The following TTC28 variants were observed in gnomAD, a reference collection of about 807,000 sequenced individuals.
The protein encoded by TTC28 is tetratricopeptide repeat protein 28.
A neutral mutation model predicts 198.0 loss-of-function variants in TTC28; 61 were observed. That is an observed-to-expected ratio of 0.31 (90% CI 0.25 to 0.38). The LOEUF (loss-of-function observed/expected upper bound fraction) is 0.38. Ranked by LOEUF, TTC28 falls within the 10% of genes least tolerant of loss-of-function variation. TTC28 has a pLI of 1.00. For missense variants in TTC28, 2,678 were observed against 3,164.0 expected (o/e 0.85, Z 3.69); for synonymous variants, 1,171 against 1,297.8 (o/e 0.90, Z 2.10).
intron 2 of TTC28, among the ~76,000 whole-genome samples, chr22:28,624,899 A>G (rs1453206859): frequency 6.6e-6 from 1 of 152,202 alleles, no homozygotes; most frequent in Non-Finnish European, 1.5e-5. Flanking sequence ...CATAATGACT[A>G]CCTGGAATTT....
intron 5 of TTC28, among the ~76,000 whole-genome samples, chr22:28,235,593 C>A (rs1160521221): frequency 6.6e-6 from 1 of 151,986 alleles, no homozygotes; most frequent in Non-Finnish European, 1.5e-5. Context: ...TCTGAACAGA[C>A]AAAAATAACA....
intron 5 of TTC28, among the ~76,000 whole-genome samples, chr22:28,243,209 A>C (rs996186351): frequency 4.9e-5 from 6 of 123,586 alleles, no homozygotes; most frequent in South Asian, 5.5e-4. Context: ...AAAAAAAAAA[A>C]AAAACTAGCC....
chr22:28,200,043 A>G (rs1432307031), intron 5 of TTC28, among the ~76,000 whole-genome samples: 1 of 152,166 alleles, frequency 6.6e-6, no homozygotes, highest in Admixed American at 6.5e-5. Context: ...ATAAATATGT[A>G]TTGTTTAAGA....
intron 2 of TTC28, among the ~76,000 whole-genome samples, chr22:28,439,639 C>T (rs1054807821): frequency 6.6e-6 from 1 of 152,156 alleles, no homozygotes; most frequent in Non-Finnish European, 1.5e-5. Flanking sequence ...CACCTACCAC[C>T]TCACTGGATA....
chr22:28,561,500 ACT>A (rs2049880017), intron 2 of TTC28, among the ~76,000 whole-genome samples: 1 of 152,126 alleles, frequency 6.6e-6, no homozygotes, highest in Non-Finnish European at 1.5e-5. Flanking sequence ...GAAGGCAGGG[ACT>A]CTGTCATGAT....
chr22:28,256,747 CA>C (rs1165923560), intron 5 of TTC28, among the ~76,000 whole-genome samples: 1 of 152,158 alleles, frequency 6.6e-6, no homozygotes, highest in East Asian at 1.9e-4. Flanking sequence ...AGCAAAAAAA[CA>C]GACACATAAG....
chr22:28,082,068 G>A (rs944182672), intron 12 of TTC28, among the ~76,000 whole-genome samples: 1 of 152,148 alleles, frequency 6.6e-6, no homozygotes, highest in Non-Finnish European at 1.5e-5. Context: ...CATTGCTAGT[G>A]TATAGAAACA....
At chr22:28,387,820 T>C (rs2046636859) in intron 2 of TTC28, among the ~76,000 whole-genome samples, 1 of 152,050 alleles carries the variant, frequency 6.6e-6, no homozygotes, top group Non-Finnish European at 1.5e-5. Context: ...TGGTAGTTTC[T>C]TTTGCTGTGC....
intron 2 of TTC28, among the ~76,000 whole-genome samples, chr22:28,463,466 G>C (rs2047977725): frequency 6.6e-6 from 1 of 152,120 alleles, no homozygotes; most frequent in South Asian, 2.1e-4. Context: ...ATGCACACAT[G>C]TGTTTATTGC....
chr22:28,145,790 A>T lies in TTC28; in HGVS notation c.1441+17302T>A, dbSNP rs1031938217. 2.6e-5 allele frequency among the ~76,000 whole-genome samples: 4 copies of T among 152,250 alleles called. No homozygotes were observed. In the East Asian group the frequency reaches 7.7e-4, roughly 29 times the overall value. ...GATACACTCTTTCGACATATGATAC[A>T]AACTACAATGATAATAATGATTACA... On this transcript the variant is annotated intron_variant, in intron 6 of 22. Transcript: ENST00000397906.
chr22:28,254,712 A>G lies in TTC28; in HGVS notation c.933+41486T>C, dbSNP rs142840360. Among the ~76,000 whole-genome samples, 3 of 152,332 alleles carry G rather than the reference A, an allele frequency of 2.0e-5. No individual in the cohort carries two copies. In the East Asian group the frequency reaches 5.8e-4, roughly 29 times the overall value. Reference sequence around the variant, plus strand: ...TAAAATCCCTAGGTGCTAGAAACAAAGAGGGAACTCAATACCAAAGCGTCA... The same window carrying G: ...TAAAATCCCTAGGTGCTAGAAACAAGGAGGGAACTCAATACCAAAGCGTCA... On this transcript the variant is annotated intron_variant, in intron 5 of 22. Coordinates refer to ENST00000397906, the MANE Select transcript of TTC28 (RefSeq NM_001145418.2).
chr22:28,201,767 AAAG>A (rs1273980245), intron 5 of TTC28, among the ~76,000 whole-genome samples: 6 of 151,590 alleles, frequency 4.0e-5, no homozygotes, highest in African/African-American at 1.2e-4. Context: ...AAAAAAAAAA[AAAG>A]AGGGGAGCCA....
At chr22:28,587,925 A>G (rs994154431) in intron 2 of TTC28, among the ~76,000 whole-genome samples, 2 of 151,712 alleles carry the variant, frequency 1.3e-5, no homozygotes. Flanking sequence ...GTGGGTCACG[A>G]GGTCAGGAGA....
chr22:27,982,531 C>G lies in TTC28; in HGVS notation c.7136G>C (p.Arg2379Pro). 2 of 1,551,666 alleles carry G rather than the reference C, an allele frequency of 1.3e-6. No homozygotes were observed. The highest frequency in any genetic ancestry group is 1.7e-6 in the Non-Finnish European group (2 of 1,147,010). Residue 2379 changes from arginine (R) to proline (P), a missense_variant, in exon 23 of 23, where the codon CGG (arginine) becomes CCG (proline). Coordinates refer to ENST00000397906, the MANE Select transcript of TTC28 (RefSeq NM_001145418.2). The surrounding 1 kb of genome is among the most constrained non-coding windows in gnomAD (Gnocchi z 5.2). ...GGAAGTCATCGTGCCAGGAGCCCCCCGGAAGATCTTCATTGGCCCTGTGGA... is the reference window on the plus strand; with the variant it reads ...GGAAGTCATCGTGCCAGGAGCCCCCGGGAAGATCTTCATTGGCCCTGTGGA... ...QHSTGPMKIFRGAPGTMTSKR... is the reference protein window; with the variant it reads ...QHSTGPMKIFPGAPGTMTSKR...
At position 28,107,770 on chromosome 22, in the gene TTC28, T is replaced by C; in HGVS notation, c.2075A>G (p.Lys692Arg). The change falls in exon 7 of 23, where the codon AAA (lysine) becomes AGA (arginine). Residue 692 changes from lysine (K) to arginine (R), a missense_variant. Transcript: ENST00000397906. ...LAFKALLNFS[K>R]AEECQKYLLS... ...TAGGTACTTCTGACACTCTTCAGCT[T>C]TACTGAAATTCAGCAGAGCCTTGAA... The C allele has an allele frequency of 6.4e-7, 1 of 1,551,996 alleles. No individual in the cohort carries two copies. The highest frequency in any genetic ancestry group is 8.7e-7 in the Non-Finnish European group (1 of 1,147,044).
Position 28,032,161 on chromosome 22 carries a change from A to AGT in TTC28, c.3933-1797_3933-1796dup, listed in dbSNP as rs1292777370. Among the ~76,000 whole-genome samples the AGT allele has an allele frequency of 2.1e-3, 275 of 131,178 alleles. 2 individuals are homozygous for AGT. The highest frequency in any genetic ancestry group is 5.4e-3 in the African/African-American group (178 of 33,238). The allele number at this position is 131,178 out of a possible 152,430, so 86.1% of individuals were successfully genotyped here. On this transcript the variant is annotated intron_variant, in intron 12 of 22. Transcript: ENST00000397906. ...AAGCACATCCTATTTATATCTACTTAGTGTGTGTATATATATATATATATA... is the reference window on the plus strand; with the variant it reads ...AAGCACATCCTATTTATATCTACTTAGTGTGTGTGTATATATATATATATATA...
intron 1 of TTC28, among the ~76,000 whole-genome samples, chr22:28,663,503 G>A (rs1322082919): frequency 7.1e-6 from 1 of 141,468 alleles, no homozygotes; most frequent in African/African-American, 2.7e-5. Context: ...AGGGGTCAGG[G>A]AGTTCCCTTT....
At position 27,998,872 on chromosome 22, in the gene TTC28, G is replaced by A. The variant is rs760684559; in HGVS notation, c.4787C>T (p.Ser1596Leu). ...QDDASDGESI[S>L]DCPPLQELLL... ...CAGCTCCTGCAGGGGCGGGCAGTCC[G>A]AGATGCTCTCCCCATCACTGGCATC... The change falls in exon 16 of 23, where the codon TCG becomes TTG. Residue 1596 changes from serine (S) to leucine (L), a missense_variant. Transcript: ENST00000397906. The A allele has an allele frequency of 1.4e-5, 22 of 1,550,070 alleles. 1 individual carries two copies. The highest frequency in any genetic ancestry group is 1.1e-4 in the South Asian group (9 of 84,062).
intron 2 of TTC28, among the ~76,000 whole-genome samples, chr22:28,469,033 T>G (rs1325924065): frequency 6.6e-6 from 1 of 152,232 alleles, no homozygotes; most frequent in East Asian, 1.9e-4. Flanking sequence ...CGTTAATTAC[T>G]CATCCTTTCT....
Sources: gnomAD v4.1 joint callset for allele counts (sites outside exome capture counted in the v4.1 genomes callset) on GRCh38, gnomAD v4.1.1 for gene constraint, Gnocchi (gnomAD v3.1) non-coding constraint, MANE v1.5 for transcripts, NCBI Gene and HGNC (gene_info 2026-07-23, HGNC 2026-07-21) for gene names.